Variants in ROBO1 observed in about 807,000 individuals in gnomAD.
ROBO1 encodes roundabout homolog 1.
ROBO1 carries 149 observed loss-of-function variants against 195.9 expected under a neutral mutation model. The observed-to-expected ratio is 0.76, with a 90% CI of 0.67 to 0.87. ROBO1 has a LOEUF of 0.87. ROBO1 is among the 40% of genes least tolerant of loss of function. The pLI is 0.00. For synonymous variants in ROBO1, 816 were observed against 733.2 expected (o/e 1.11, Z -1.82); for missense variants, 1,933 against 2,068.3 (o/e 0.93, Z 1.27).
chr3:79,497,241 T>C (rs1939796819), intron 2 of ROBO1, among the ~76,000 whole-genome samples: 1 of 152,202 alleles, frequency 6.6e-6, no homozygotes, highest in African/African-American at 2.4e-5. Context: ...TTTAAAATGG[T>C]CTCTGAGAAT....
chr3:79,763,731 T>G (rs1576334101), intron 1 of ROBO1, among the ~76,000 whole-genome samples: 1 of 151,802 alleles, frequency 6.6e-6, no homozygotes, highest in East Asian at 1.9e-4. Context: ...CAGATAGGGG[T>G]GGGGTATATT....
Position 78,627,483 on chromosome 3 carries a change from C to A in ROBO1, c.3713G>T (p.Gly1238Val), listed in dbSNP as rs1348948033. Reference sequence around the variant, plus strand: ...TGCTCCCCGAACAGGGGGAGTGGGGCCTCGTTCATCTTCCTCCTCTTCTAA... The same window carrying A: ...TGCTCCCCGAACAGGGGGAGTGGGGACTCGTTCATCTTCCTCCTCTTCTAA... Reference protein sequence around the residue: ...DELEEEEDERGPTPPVRGAAS... With the variant: ...DELEEEEDERVPTPPVRGAAS... The change falls in exon 26 of 31, where the codon GGC becomes GTC. Residue 1238 changes from glycine to valine, a missense_variant. Physicochemically the swap from Gly to Val is moderately radical, Grantham distance 109. Transcript: ENST00000464233. 1.2e-6 allele frequency: 2 copies of A among 1,612,984 alleles called. No homozygotes were observed. The highest frequency in any genetic ancestry group is 1.7e-5 in the Admixed American group (1 of 59,914).
chr3:79,400,518 T>G (rs2037329681), intron 2 of ROBO1, among the ~76,000 whole-genome samples: 1 of 152,066 alleles, frequency 6.6e-6, no homozygotes, highest in Non-Finnish European at 1.5e-5. Context: ...AAAACCTAAA[T>G]GCAAATTTTC....
At chr3:79,079,889 A>G (rs1372594672) in intron 3 of ROBO1, among the ~76,000 whole-genome samples, 1 of 151,884 alleles carries the variant, frequency 6.6e-6, no homozygotes, top group Non-Finnish European at 1.5e-5. Context: ...TCAGAACTGT[A>G]CATCAGAGTC....
chr3:78,951,672 G>A (rs2040800901), intron 3 of ROBO1, among the ~76,000 whole-genome samples: 1 of 151,992 alleles, frequency 6.6e-6, no homozygotes, highest in Non-Finnish European at 1.5e-5. Context: ...GAAAGCGCAG[G>A]GCAGGATTCC....
chr3:79,282,507 A>T (rs770166278), intron 2 of ROBO1, among the ~76,000 whole-genome samples: 4 of 152,254 alleles, frequency 2.6e-5, no homozygotes, highest in Non-Finnish European at 5.9e-5. Context: ...GAAGTGGAAG[A>T]TAGCAAATGA....
intron 2 of ROBO1, among the ~76,000 whole-genome samples, chr3:79,413,982 AGC>A (rs2037890222): frequency 6.6e-6 from 1 of 152,136 alleles, no homozygotes; most frequent in African/African-American, 2.4e-5. Context: ...TTTCCAAAAA[AGC>A]ATGAACTTCC....
Position 78,666,417 on chromosome 3 carries a change from G to C in ROBO1, c.1966+1466C>G, listed in dbSNP as rs573675707. ...TTACATATTCCAGAATCATGCATGTGAGTACAGGACAAAACGGTGTTAAGC... is the reference window on the plus strand; with the variant it reads ...TTACATATTCCAGAATCATGCATGTCAGTACAGGACAAAACGGTGTTAAGC... On this transcript the variant is annotated intron_variant, in intron 14 of 30. Transcript: ENST00000464233. 2.2e-4 allele frequency among the ~76,000 whole-genome samples: 33 copies of C among 152,326 alleles called. No individual in the cohort carries two copies. The Middle Eastern group carries it at 0.01, about 47-fold the overall frequency.
intron 1 of ROBO1, among the ~76,000 whole-genome samples, chr3:79,596,469 G>T (rs778073086): frequency 9.2e-5 from 14 of 152,028 alleles, no homozygotes; most frequent in South Asian, 8.3e-4. Context: ...TTCAATGAGG[G>T]TATGTGTGAT....
chr3:79,642,860 C>T (rs7431757), intron 1 of ROBO1, among the ~76,000 whole-genome samples: 86,620 of 151,962 alleles, frequency 0.57, 24,930 homozygotes, highest in South Asian at 0.67. Context: ...CTGGACAAAC[C>T]CAGTATAATC....
chr3:78,869,642 G>A (rs1295816828), intron 4 of ROBO1, among the ~76,000 whole-genome samples: 4 of 151,604 alleles, frequency 2.6e-5, no homozygotes, highest in African/African-American at 7.3e-5. Context: ...TTAATTTTTG[G>A]TAGAGGCCGT....
intron 2 of ROBO1, among the ~76,000 whole-genome samples, chr3:79,545,399 A>T (rs9820160): frequency 1.6e-4 from 24 of 152,158 alleles, no homozygotes; most frequent in African/African-American, 5.5e-4. Flanking sequence ...TATAGTATAG[A>T]CACTAAATAG....
chr3:79,310,425 T>C (rs1030098268), intron 2 of ROBO1, among the ~76,000 whole-genome samples: 1 of 152,212 alleles, frequency 6.6e-6, no homozygotes, highest in Non-Finnish European at 1.5e-5. Flanking sequence ...TCACTGGCAG[T>C]TGAATAAAGC....
At chr3:79,003,244 T>G (rs1194245164) in intron 3 of ROBO1, among the ~76,000 whole-genome samples, 1 of 152,166 alleles carries the variant, frequency 6.6e-6, no homozygotes, top group Admixed American at 6.5e-5. Flanking sequence ...TAACGCTGAA[T>G]TTTCCTTGAC....
intron 1 of ROBO1, among the ~76,000 whole-genome samples, chr3:79,673,935 C>G (rs1403376700): frequency 3.3e-5 from 5 of 151,958 alleles, no homozygotes; most frequent in Non-Finnish European, 7.4e-5. Context: ...AACTTTCCCT[C>G]CAGGGGAAGC....
At chr3:78,686,728 G>T (rs1254011917) in intron 9 of ROBO1, among the ~76,000 whole-genome samples, 1 of 151,916 alleles carries the variant, frequency 6.6e-6, no homozygotes, top group South Asian at 2.1e-4. Context: ...TAAATTCAAG[G>T]ATACCATTTT....
At chr3:78,901,779 T>C (rs1045643100) in intron 4 of ROBO1, among the ~76,000 whole-genome samples, 4 of 152,174 alleles carry the variant, frequency 2.6e-5, no homozygotes, top group Non-Finnish European at 1.5e-5. Flanking sequence ...ATAGGTAGAT[T>C]AGACCCCATC....
chr3:79,744,082 C>T (rs1163750543), intron 1 of ROBO1, among the ~76,000 whole-genome samples: 1 of 152,186 alleles, frequency 6.6e-6, no homozygotes, highest in African/African-American at 2.4e-5. Flanking sequence ...TTTGCATGTG[C>T]TTCACTATTA....
At position 79,039,658 on chromosome 3, in the gene ROBO1, G is replaced by A. The variant is rs1472884951; in HGVS notation, c.172+85798C>T. ...AAAAATACAAAAATTAGCTGGACAT[G>A]GTGGCACATGCCTGTAATCCCAGCT... On this transcript the variant is annotated intron_variant, in intron 3 of 30. Coordinates refer to ENST00000464233, the MANE Select transcript of ROBO1 (RefSeq NM_002941.4). Among the ~76,000 whole-genome samples the A allele has an allele frequency of 2.6e-5, 4 of 151,888 alleles. No individual in the cohort carries two copies. The East Asian group carries it at 7.8e-4, about 29-fold the overall frequency.
Sources: gnomAD v4.1 joint callset for allele counts (sites outside exome capture counted in the v4.1 genomes callset) on GRCh38, gnomAD v4.1.1 for gene constraint, MANE v1.5 for transcripts, NCBI Gene and HGNC (gene_info 2026-07-23, HGNC 2026-07-21) for gene names.